The following KIF5C variants were observed in gnomAD, a reference collection of about 807,000 sequenced individuals.
The protein encoded by KIF5C is kinesin family member 5C.
KIF5C carries 18 observed loss-of-function variants against 125.2 expected under a neutral mutation model. The observed-to-expected ratio is 0.14, with a 90% confidence interval of 0.10 to 0.21. The LOEUF is 0.21. Among genes scored for constraint, KIF5C ranks in the 10% least tolerant of loss-of-function variants. The probability of loss-of-function intolerance (pLI) is 1.00; values close to 1 mark genes in which losing one functional copy is unlikely to be tolerated. For missense variants in KIF5C, 780 were observed against 1,183.8 expected (o/e 0.66, Z 5.01); for synonymous variants, 405 against 434.0 (o/e 0.93, Z 0.83).
At chr2:148,902,243 C>T (rs1282573019) in intron 1 of KIF5C, among the ~76,000 whole-genome samples, 2 of 152,202 alleles carry the variant, frequency 1.3e-5, no homozygotes, top group African/African-American at 4.8e-5. Context: ...TTCTGTGGTT[C>T]CATTTCTTTG....
intron 3 of KIF5C, among the ~76,000 whole-genome samples, chr2:148,934,335 C>T (rs1465828283): frequency 1.3e-5 from 2 of 151,646 alleles, no homozygotes; most frequent in African/African-American, 4.9e-5. Context: ...ATGTACACAT[C>T]ACACACATCC....
intron 11 of KIF5C, among the ~76,000 whole-genome samples, chr2:148,967,205 TC>T (rs1451511827): frequency 6.6e-6 from 1 of 152,186 alleles, no homozygotes; most frequent in African/African-American, 2.4e-5. Context: ...CTGGTTCCGT[TC>T]CCCAGGGTGC....
chr2:148,958,701 G>A (rs1445407735), intron 10 of KIF5C, among the ~76,000 whole-genome samples: 1 of 151,714 alleles, frequency 6.6e-6, no homozygotes, highest in Non-Finnish European at 1.5e-5. Flanking sequence ...GAAATCTTTG[G>A]CCAGGCATGG....
Position 148,875,725 on chromosome 2 carries a change from T to C in KIF5C, c.108T>C (p.Asp36=), listed in dbSNP as rs749142685. 1.1e-5 allele frequency: 17 copies of C among 1,604,750 alleles called. No individual in the cohort carries two copies. The highest frequency in any genetic ancestry group is 9.0e-5 in the East Asian group (4 of 44,544). Residue 36 remains aspartate, a synonymous_variant, in exon 1 of 26, where the codon GAT becomes GAC. Coordinates refer to ENST00000435030, the MANE Select transcript of KIF5C (RefSeq NM_004522.3). ...AATTCATCCCCAAATTTAAAGGCGA[T>C]GAGACCGTGGTGATCGGGGTAAGTG... The part of the protein sequence containing the change: ...GDKFIPKFKG[D]ETVVIGQGKP...
intron 3 of KIF5C, 144 bp downstream of exon 3, chr2:148,929,498 G>C (rs565244873): frequency 3.3e-6 from 2 of 597,842 alleles, no homozygotes; most frequent in Non-Finnish European, 2.9e-6. Context: ...TCTTTGAGAA[G>C]TTTTAAAATA....
intron 18 of KIF5C, 42 bp downstream of exon 18, chr2:148,997,382 G>T (rs1338398035): frequency 6.2e-7 from 1 of 1,613,104 alleles, no homozygotes; most frequent in Non-Finnish European, 8.5e-7. Flanking sequence ...GTGTGCATTT[G>T]ATGCATTTGG....
At position 148,875,581 on chromosome 2, in the gene KIF5C, CACCCATCCCCGTG is replaced by C; in HGVS notation, c.-36_-24del. ...CTCGTCGTTCCCGGCCCCGGCCCCCCACCCATCCCCGTGCCCCCTCCCTACCGCCGGCCGAGAT... is the reference window on the plus strand; with the variant it reads ...CTCGTCGTTCCCGGCCCCGGCCCCCCCCCCCTCCCTACCGCCGGCCGAGAT... On this transcript the variant is annotated 5_prime_UTR_variant, in exon 1 of 26. Coordinates refer to ENST00000435030, the MANE Select transcript of KIF5C (RefSeq NM_004522.3). The C allele has an allele frequency of 6.2e-6, 5 of 803,542 alleles. No individual in the cohort carries two copies. Among genetic ancestry groups the C allele is most frequent in the African/African-American group, 1.7e-5 (1 of 58,312 alleles). The allele number at this position is 803,542 out of a possible 1,614,324, so 49.8% of individuals were successfully genotyped here.
At chr2:148,917,853 G>A (rs1040125808) in intron 1 of KIF5C, among the ~76,000 whole-genome samples, 3 of 152,170 alleles carry the variant, frequency 2.0e-5, no homozygotes, top group Admixed American at 6.5e-5. Flanking sequence ...ACAATTCGTC[G>A]TCAGTCTTAG....
intron 10 of KIF5C, among the ~76,000 whole-genome samples, chr2:148,958,957 C>T (rs1468472114): frequency 6.6e-6 from 1 of 151,870 alleles, no homozygotes; most frequent in Admixed American, 6.6e-5. Flanking sequence ...GCACTCCAGC[C>T]TGGGCAACAG....
intron 16 of KIF5C, 99 bp from the exon 17 acceptor site, chr2:148,994,322 A>G (rs1387026470): frequency 6.8e-7 from 1 of 1,471,572 alleles, no homozygotes; most frequent in African/African-American, 1.4e-5. Context: ...AAAGGGACTC[A>G]GGAACCCCTC....
At chr2:149,006,330 T>C (rs937442047) in intron 22 of KIF5C, among the ~76,000 whole-genome samples, 1 of 151,820 alleles carries the variant, frequency 6.6e-6, no homozygotes, top group Admixed American at 6.6e-5. Context: ...ATGTATTAGA[T>C]AGGCTTGCTA....
intron 1 of KIF5C, among the ~76,000 whole-genome samples, chr2:148,889,175 C>T (rs373465818): frequency 6.6e-5 from 10 of 152,272 alleles, no homozygotes; most frequent in South Asian, 4.2e-4. Context: ...ATTCCTACAA[C>T]CATCAGGAAT....
At chr2:148,960,698 T>C (rs1435417122) in intron 10 of KIF5C, among the ~76,000 whole-genome samples, 1 of 152,242 alleles carries the variant, frequency 6.6e-6, no homozygotes, top group Non-Finnish European at 1.5e-5. Flanking sequence ...TCTGTAGTGC[T>C]GGTGAGGACT....
chr2:148,897,188 A>T (rs897034124), intron 1 of KIF5C, among the ~76,000 whole-genome samples: 6 of 152,214 alleles, frequency 3.9e-5, no homozygotes, highest in African/African-American at 1.4e-4. Context: ...TAGCACACAG[A>T]CACACATCTG....
At chr2:148,999,904 A>G (rs1681800650) in intron 19 of KIF5C, 1 of 152,970 alleles carries the variant, frequency 6.5e-6, no homozygotes, top group African/African-American at 2.4e-5. Flanking sequence ...TTCTGTTTGC[A>G]GCAGAGCCCA....
chr2:148,947,496 T>A (rs922764377), intron 8 of KIF5C: 7 of 191,710 alleles, frequency 3.7e-5, no homozygotes, highest in African/African-American at 1.7e-4. Flanking sequence ...TCCCTGGTTC[T>A]CCCAGCAGTA....
In KIF5C at chr2:148,998,616, C is replaced by A. The variant is rs562279575; in HGVS notation, c.2210+107C>A. ...AGTCGAGGGCCCTGCTCACCTTGCC[C>A]TGTGGGCACTGCCCTGGTGACACAG... On this transcript the variant is annotated intron_variant, in intron 19 of 25. Transcript: ENST00000435030. 2,173 of 1,488,850 alleles carry A rather than the reference C, an allele frequency of 1.5e-3. 8 individuals are homozygous for A. The highest frequency in any genetic ancestry group is 1.2e-3 in the Non-Finnish European group (1,358 of 1,105,528). 92.2% of individuals were successfully genotyped at this position (1,488,850 alleles called of 1,614,324 possible).
chr2:149,002,220 A>T (rs6736802), intron 21 of KIF5C, among the ~76,000 whole-genome samples: 1 of 152,058 alleles, frequency 6.6e-6, no homozygotes, highest in African/African-American at 2.4e-5. Flanking sequence ...GAGATCAGTG[A>T]TATCAATGAA....
intron 1 of KIF5C, among the ~76,000 whole-genome samples, chr2:148,889,395 G>A (rs1416076492): frequency 6.6e-6 from 1 of 152,130 alleles, no homozygotes; most frequent in Admixed American, 6.5e-5. Context: ...AGCACTCTGG[G>A]GGCCAGGCTG....
Sources: allele counts gnomAD v4.1 joint callset (sites outside exome capture counted in the v4.1 genomes callset), GRCh38; gene constraint gnomAD v4.1.1; transcripts MANE v1.5; gene names NCBI Gene and HGNC (gene_info 2026-07-23, HGNC 2026-07-21).